The following PARVA variants were observed in gnomAD, a reference collection of about 807,000 sequenced individuals.
PARVA encodes the protein parvin alpha, also known as alpha-parvin.
Under a neutral mutation model 52.6 loss-of-function variants are expected in PARVA, and 25 were observed. The ratio of observed to expected loss-of-function variants is 0.48; its 90% CI spans 0.35 to 0.66. The LOEUF is 0.66. Ranked by LOEUF, PARVA falls within the 30% of genes least tolerant of loss-of-function variation. The pLI is 0.01. For synonymous variants in PARVA, 185 were observed against 179.1 expected, an observed-to-expected ratio of 1.03 and a Z score of -0.26; for missense variants, 373 against 450.9, an observed-to-expected ratio of 0.83 and a Z score of 1.56.
intron 5 of PARVA, among the ~76,000 whole-genome samples, chr11:12,498,415 T>A (rs1218674128): frequency 1.3e-5 from 2 of 152,222 alleles, no homozygotes; most frequent in South Asian, 2.1e-4. Flanking sequence ...ATGCTTACTT[T>A]AATTTCTTAC....
intron 1 of PARVA, among the ~76,000 whole-genome samples, chr11:12,437,335 G>T (rs1353364653): frequency 1.3e-5 from 2 of 152,128 alleles, no homozygotes; most frequent in Non-Finnish European, 2.9e-5. Context: ...CAACTCCTGG[G>T]TCCCTCCTTC....
rs555506970 is a variant in PARVA, at chr11:12,526,934, G to A, written c.1043-915G>A. ...CAGAGAAGGTGGTGACCAGTAAATA[G>A]ATGGATGAAGGGAGGAAGGGCTAAG... On this transcript the variant is annotated intron_variant, in intron 12 of 12. Coordinates refer to ENST00000334956, the MANE Select transcript of PARVA (RefSeq NM_018222.5). 2.0e-5 allele frequency among the ~76,000 whole-genome samples: 3 copies of A among 152,198 alleles called. No individual in the cohort carries two copies. The South Asian group carries it at 6.2e-4, about 32-fold the overall frequency.
chr11:12,527,858 A>T lies in PARVA; in HGVS notation c.1052A>T (p.Asn351Ile). The change falls in exon 13 of 13, where the codon AAC becomes ATC. Residue 351 changes from asparagine to isoleucine, a missense_variant. Coordinates refer to ENST00000334956, the MANE Select transcript of PARVA (RefSeq NM_018222.5). Reference protein sequence around the residue: ...KPKPRPEDIVNCDLKSTLRVL... With the variant: ...KPKPRPEDIVICDLKSTLRVL... ...TTTGTTTTCTACGCAGACATAGTCA[A>T]CTGTGACCTGAAATCTACACTACGA... The T allele has an allele frequency of 6.2e-7, 1 of 1,609,442 alleles. No homozygotes were observed. Among genetic ancestry groups the T allele is most frequent in the African/African-American group, 1.4e-5 (1 of 73,652 alleles).
At chr11:12,484,043 G>A (rs558999847) in intron 4 of PARVA, among the ~76,000 whole-genome samples, 3 of 152,282 alleles carry the variant, frequency 2.0e-5, no homozygotes, top group African/African-American at 4.8e-5. Context: ...GCATCAATAA[G>A]AAGTCACAGA....
chr11:12,517,622 G>T lies in PARVA; in HGVS notation c.880G>T (p.Val294Leu). The T allele has an allele frequency of 1.9e-6, 3 of 1,597,316 alleles. No homozygotes were observed. The highest frequency in any genetic ancestry group is 2.6e-6 in the Non-Finnish European group (3 of 1,171,454). ...TELETQFADG[V>L]YLVLLMGLLE... ...GCTCTTCCTCCAGTTTGCAGATGGG[G>T]TGTACCTGGTGCTGCTCATGGGGCT... The change falls in exon 11 of 13, where the codon GTG becomes TTG. Residue 294 changes from valine (V) to leucine (L), a missense_variant. Physicochemically the swap from Val to Leu is conservative, Grantham distance 32. Transcript: ENST00000334956.
chr11:12,500,129 T>C (rs1262879277), intron 5 of PARVA, among the ~76,000 whole-genome samples: 1 of 152,216 alleles, frequency 6.6e-6, no homozygotes, highest in African/African-American at 2.4e-5. Flanking sequence ...TAGTACATAA[T>C]GTTAAATTAC....
chr11:12,497,455 C>T (rs561142192), intron 5 of PARVA, among the ~76,000 whole-genome samples: 1 of 152,286 alleles, frequency 6.6e-6, no homozygotes, highest in Non-Finnish European at 1.5e-5. Flanking sequence ...ACTTTTCAAA[C>T]TTGGGAAAGC....
At chr11:12,512,767 G>A (rs557431562) in intron 8 of PARVA, among the ~76,000 whole-genome samples, 3 of 152,224 alleles carry the variant, frequency 2.0e-5, no homozygotes, top group African/African-American at 7.2e-5. Context: ...TTATAGAAGA[G>A]GAAACTAAGG....
chr11:12,474,671 G>A (rs10765953), intron 3 of PARVA, among the ~76,000 whole-genome samples: 30,732 of 151,994 alleles, frequency 0.2, 3,815 homozygotes, highest in East Asian at 0.35. Context: ...CATCTCTACT[G>A]AAAGTACAAA....
chr11:12,523,821 A>C lies in PARVA; in HGVS notation c.1043-4028A>C, dbSNP rs549545785. On this transcript the variant is annotated intron_variant, in intron 12 of 12. Transcript: ENST00000334956. ...GCTATCAGAACTGAACTGAGTTGCT[A>C]ATCACACAATTTATGAGAACAGGGC... Among the ~76,000 whole-genome samples the C allele has an allele frequency of 4.4e-4, 67 of 152,326 alleles. No individual in the cohort carries two copies. In the South Asian group the frequency reaches 0.013, roughly 29 times the overall value.
chr11:12,522,494 C>G (rs1358152753), intron 12 of PARVA, among the ~76,000 whole-genome samples: 1 of 147,476 alleles, frequency 6.8e-6, no homozygotes, highest in Non-Finnish European at 1.5e-5. Flanking sequence ...TCTCGGCTCA[C>G]TGGAACCTTC....
At chr11:12,505,047 AT>A (rs1245804592) in intron 6 of PARVA, among the ~76,000 whole-genome samples, 1 of 151,868 alleles carries the variant, frequency 6.6e-6, no homozygotes, top group African/African-American at 2.4e-5. Context: ...TGGAATTTCC[AT>A]TCACATATGG....
intron 1 of PARVA, among the ~76,000 whole-genome samples, chr11:12,430,015 C>T (rs1036622287): frequency 6.6e-6 from 1 of 152,088 alleles, no homozygotes; most frequent in Non-Finnish European, 1.5e-5. Context: ...TTTACAGACT[C>T]CCTTTAAGTT....
rs1564873366 is a variant in PARVA, at chr11:12,531,424, T to G, written c.*3499T>G. ...ATCAACAGTATTCTGGAGCTGTAAT[T>G]TTTCAATAACTAGACTCTGAGACAT... On this transcript the variant is annotated 3_prime_UTR_variant, in exon 13 of 13. Transcript: ENST00000334956. 6.6e-6 allele frequency among the ~76,000 whole-genome samples: 1 copy of G among 152,176 alleles called. No homozygotes were observed. Among genetic ancestry groups the G allele is most frequent in the Admixed American group, 6.5e-5 (1 of 15,272 alleles).
intron 1 of PARVA, among the ~76,000 whole-genome samples, chr11:12,385,339 A>G (rs1225149279): frequency 1.3e-5 from 2 of 152,144 alleles, no homozygotes; most frequent in African/African-American, 4.8e-5. Flanking sequence ...AATAAATAAT[A>G]AATAAATAAA....
At chr11:12,444,729 T>A (rs1185785062) in intron 1 of PARVA, among the ~76,000 whole-genome samples, 1 of 152,210 alleles carries the variant, frequency 6.6e-6, no homozygotes, top group Non-Finnish European at 1.5e-5. Flanking sequence ...TCTGGTATTC[T>A]GGTTGCCCCT....
rs547411695 is a variant in PARVA, at chr11:12,448,785, A to G, written c.137-24960A>G. Among the ~76,000 whole-genome samples, 150 of 152,302 alleles carry G rather than the reference A, an allele frequency of 9.8e-4. 7 individuals carry two copies. The South Asian group carries it at 0.031, about 31-fold the overall frequency. On this transcript the variant is annotated intron_variant, in intron 1 of 12. Coordinates refer to ENST00000334956, the MANE Select transcript of PARVA (RefSeq NM_018222.5). The stretch of plus-strand genomic sequence containing the variant: ...AGCTGGAAGCCAGGGATCATTGTCT[A>G]TCTTGAAAGCAGACTCACTACTACT...
upstream of PARVA, chr11:12,377,223 G>C (rs138605172): frequency 6.0e-6 from 2 of 334,020 alleles, no homozygotes; most frequent in African/African-American, 4.3e-5. Context: ...CTCACCAGCC[G>C]CCGGCTGGAA....
intron 4 of PARVA, 118 bp from the exon 5 acceptor site, chr11:12,496,340 T>TCGCAAGAGTGCATGCA: frequency 7.6e-6 from 3 of 394,058 alleles, no homozygotes; most frequent in Non-Finnish European, 1.1e-5. Flanking sequence ...GTATCTATTG[T>TCGCAAGAGTGCATGCA]TGCAAGAGTG....
Sources: allele counts gnomAD v4.1 joint callset (sites outside exome capture counted in the v4.1 genomes callset), GRCh38; gene constraint gnomAD v4.1.1; transcripts MANE v1.5; gene names NCBI Gene and HGNC (gene_info 2026-07-23, HGNC 2026-07-21).